Variants in OTOGL observed in about 807,000 individuals in gnomAD.
The protein encoded by OTOGL is otogelin like, also known as otogelin-like protein.
In OTOGL, 285 loss-of-function variants were observed where a neutral mutation model predicts 318.5. The observed-to-expected ratio is 0.89, with a 90% CI of 0.81 to 0.99. The LOEUF (loss-of-function observed/expected upper bound fraction) is 0.99. Among genes scored for constraint, OTOGL ranks in the 50% least tolerant of loss-of-function variants. The pLI, the probability that OTOGL is intolerant of heterozygous loss-of-function variation, is 0.00. For synonymous variants in OTOGL, 987 were observed against 936.5 expected, an observed-to-expected ratio of 1.05 and a Z score of -0.99; for missense variants, 2,899 against 2,845.6, an observed-to-expected ratio of 1.02 and a Z score of -0.43.
intron 1 of OTOGL, among the ~76,000 whole-genome samples, chr12:80,124,968 A>AT (rs1263093711): frequency 6.6e-6 from 1 of 152,236 alleles, no homozygotes; most frequent in Admixed American, 6.5e-5. Context: ...TAGATACACA[A>AT]TCATGTCATC....
chr12:80,145,690 G>A (rs1872304133), intron 1 of OTOGL, among the ~76,000 whole-genome samples: 1 of 151,870 alleles, frequency 6.6e-6, no homozygotes, highest in Non-Finnish European at 1.5e-5. Context: ...CTACCCATGA[G>A]CATGGAATGT....
At chr12:80,105,536 C>A (rs1330007751) in intron 1 of OTOGL, among the ~76,000 whole-genome samples, 1 of 152,164 alleles carries the variant, frequency 6.6e-6, no homozygotes, top group Non-Finnish European at 1.5e-5. Flanking sequence ...TGTTCTTGGG[C>A]AGTATCTAAA....
intron 57 of OTOGL, 57 bp from the exon 58 acceptor site, chr12:80,377,066 T>C: frequency 8.2e-7 from 1 of 1,224,232 alleles, no homozygotes; most frequent in Middle Eastern, 2.6e-4. Context: ...TATATTTAAT[T>C]TAAGAAACAA....
At chr12:80,106,629 G>A (rs1869471325) in intron 1 of OTOGL, among the ~76,000 whole-genome samples, 1 of 152,146 alleles carries the variant, frequency 6.6e-6, no homozygotes, top group South Asian at 2.1e-4. Context: ...ATACACAAGT[G>A]TGTGCACATG....
chr12:80,266,672 G>A (rs561975407), intron 21 of OTOGL, 56 bp downstream of exon 21: 27 of 1,475,658 alleles, frequency 1.8e-5, no homozygotes, highest in Middle Eastern at 2.0e-4. Context: ...TTCTCCTTAC[G>A]GGCTAAATGA....
intron 2 of OTOGL, among the ~76,000 whole-genome samples, chr12:80,210,124 A>T (rs1041198386): frequency 2.0e-5 from 3 of 152,132 alleles, no homozygotes; most frequent in Non-Finnish European, 2.9e-5. Flanking sequence ...AATTAAAATG[A>T]CATAACACAC....
chr12:80,370,673 A>C lies in OTOGL; in HGVS notation c.6719A>C (p.Glu2240Ala). ...NYTMVCPPFNETECKMNEGIV... is the reference protein window; with the variant it reads ...NYTMVCPPFNATECKMNEGIV... ...ACAATGGTCTGTCCCCCTTTTAATGAGACTGAATGCAAAATGGTTTGTACT... is the reference window on the plus strand; with the variant it reads ...ACAATGGTCTGTCCCCCTTTTAATGCGACTGAATGCAAAATGGTTTGTACT... Residue 2240 changes from glutamate (E) to alanine (A), a missense_variant, in exon 56 of 59, where the codon GAG becomes GCG. By Grantham distance (107) the Glu-to-Ala change is moderately radical (BLOSUM62 -1). Coordinates refer to ENST00000547103, the MANE Select transcript of OTOGL (RefSeq NM_001378609.3). 1.3e-6 allele frequency: 2 copies of C among 1,581,950 alleles called. No individual in the cohort carries two copies. Among genetic ancestry groups the C allele is most frequent in the Non-Finnish European group, 1.7e-6 (2 of 1,160,290 alleles).
intron 7 of OTOGL, among the ~76,000 whole-genome samples, chr12:80,223,423 T>C (rs1878543928): frequency 6.6e-6 from 1 of 150,656 alleles, no homozygotes; most frequent in Admixed American, 6.6e-5. Flanking sequence ...TATAATGACT[T>C]CTTTTCTTCT....
chr12:80,274,028 T>C (rs773591432), intron 24 of OTOGL, among the ~76,000 whole-genome samples: 6 of 152,060 alleles, frequency 3.9e-5, no homozygotes, highest in Admixed American at 1.3e-4. Flanking sequence ...TCTCTTGCTC[T>C]TCTCAGGTCT....
At chr12:80,168,006 T>A (rs759901752) in intron 1 of OTOGL, among the ~76,000 whole-genome samples, 14 of 151,870 alleles carry the variant, frequency 9.2e-5, no homozygotes, top group Non-Finnish European at 1.9e-4. Context: ...CTCTTCTTTT[T>A]TTTTGGAGTG....
chr12:80,300,136 C>T (rs779962864), intron 27 of OTOGL, among the ~76,000 whole-genome samples: 5 of 149,746 alleles, frequency 3.3e-5, no homozygotes, highest in African/African-American at 4.9e-5. Flanking sequence ...GGGCAAGCTA[C>T]GTAATTTGGT....
chr12:80,252,033 G>T, intron 12 of OTOGL, 43 bp from the exon 13 acceptor site: 1 of 1,452,440 alleles, frequency 6.9e-7, no homozygotes, highest in South Asian at 1.5e-5. Flanking sequence ...AAGAAATAGA[G>T]GCTAATAAAA....
At chr12:80,138,106 CA>C (rs1477079231) in intron 1 of OTOGL, among the ~76,000 whole-genome samples, 2 of 152,046 alleles carry the variant, frequency 1.3e-5, no homozygotes, top group Admixed American at 6.6e-5. Context: ...TAGACAATCA[CA>C]CATGCAATTA....
At chr12:80,358,802 T>A in intron 51 of OTOGL, 27 bp downstream of exon 51, 1 of 1,571,808 alleles carries the variant, frequency 6.4e-7, no homozygotes, top group Non-Finnish European at 8.7e-7. Context: ...TTTTAAGGTT[T>A]CATTATAATA....
In OTOGL at chr12:80,208,171, G is replaced by A. The variant is rs192723167; in HGVS notation, c.-19-1242G>A. Reference sequence around the variant, plus strand: ...CTTTTTCCTTTATAGACAAACATCTGTTGGCTCATGGAATTAGCTATTATT... The same window carrying A: ...CTTTTTCCTTTATAGACAAACATCTATTGGCTCATGGAATTAGCTATTATT... On this transcript the variant is annotated intron_variant, in intron 1 of 58. Coordinates refer to ENST00000547103, the MANE Select transcript of OTOGL (RefSeq NM_001378609.3). 33 of 513,994 alleles carry A rather than the reference G, an allele frequency of 6.4e-5. No individual in the cohort carries two copies. In the East Asian group the frequency reaches 1.8e-3, roughly 28 times the overall value. The allele number at this position is 513,994 out of a possible 1,614,324, so 31.8% of individuals were successfully genotyped here. A position where few individuals can be genotyped will look rare whatever the true frequency, so the allele number is the denominator to read the frequency against.
chr12:80,282,184 A>G (rs554610005), intron 26 of OTOGL, among the ~76,000 whole-genome samples: 1 of 152,004 alleles, frequency 6.6e-6, no homozygotes, highest in South Asian at 2.1e-4. Flanking sequence ...GAATAAACAA[A>G]ATAACATCTT....
chr12:80,250,490 A>G (rs1241328811), intron 11 of OTOGL, among the ~76,000 whole-genome samples: 1 of 152,204 alleles, frequency 6.6e-6, no homozygotes, highest in Non-Finnish European at 1.5e-5. Flanking sequence ...AAGAATGCAC[A>G]TATTAGAAGG....
chr12:80,113,815 A>G (rs972714347), intron 1 of OTOGL, among the ~76,000 whole-genome samples: 6 of 152,100 alleles, frequency 3.9e-5, no homozygotes, highest in Non-Finnish European at 7.4e-5. Flanking sequence ...TTGGGTGCAT[A>G]TATATATTTA....
At chr12:80,180,461 C>CT (rs1219414777) in intron 1 of OTOGL, among the ~76,000 whole-genome samples, 2 of 152,184 alleles carry the variant, frequency 1.3e-5, no homozygotes, top group African/African-American at 2.4e-5. Context: ...TCCATAAACT[C>CT]TAACAGGTAT....
Sources: allele counts gnomAD v4.1 joint callset (sites outside exome capture counted in the v4.1 genomes callset), GRCh38; gene constraint gnomAD v4.1.1; transcripts MANE v1.5; gene names NCBI Gene and HGNC (gene_info 2026-07-23, HGNC 2026-07-21).